Variants in TRAPPC9 observed in about 807,000 individuals in gnomAD.
TRAPPC9 encodes IKK2 binding protein.
A neutral mutation model predicts 124.0 loss-of-function variants in TRAPPC9; 83 were observed. The observed-to-expected ratio is 0.67, with a 90% confidence interval of 0.56 to 0.80. The LOEUF is 0.80. Ranked by LOEUF, TRAPPC9 falls within the 30% of genes least tolerant of loss-of-function variation. The pLI is 0.00. For synonymous variants in TRAPPC9, 638 were observed against 617.5 expected (o/e 1.03, Z -0.49); for missense variants, 1,302 against 1,508.3 (o/e 0.86, Z 2.27).
intron 21 of TRAPPC9, among the ~76,000 whole-genome samples, chr8:139,853,064 G>A (rs904338478): frequency 1.3e-4 from 20 of 152,178 alleles, no homozygotes; most frequent in Admixed American, 2.0e-4. Context: ...GAAGTGTTCC[G>A]TGGTGACGCC....
In TRAPPC9 at chr8:140,097,009, C is replaced by T. The variant is rs2130287936; in HGVS notation, c.2557-72930G>A. 6.6e-6 allele frequency: 1 copy of T among 152,494 alleles called. No homozygotes were observed. The highest frequency in any genetic ancestry group is 2.1e-4 in the South Asian group (1 of 4,826). 9.4% of individuals were successfully genotyped at this position (152,494 alleles called of 1,614,324 possible). A position where few individuals can be genotyped will look rare whatever the true frequency, so the allele number is the denominator to read the frequency against. On this transcript the variant is annotated intron_variant, in intron 17 of 22. Transcript: ENST00000438773. This position sits in a 1 kb window ranked among gnomAD's most constrained non-coding sequence, Gnocchi z 4.2. ...CAGCATAGAGATGTGAAAACCTGTC[C>T]AGGTCGCTGGTGTATAGCCAGAACA...
intron 7 of TRAPPC9, among the ~76,000 whole-genome samples, chr8:140,372,542 G>A (rs959818091): frequency 2.7e-4 from 41 of 152,208 alleles, no homozygotes; most frequent in African/African-American, 7.7e-4. Flanking sequence ...CCCATCACCC[G>A]AGCCACGGTT....
At chr8:140,069,408 A>G (rs1334381944) in intron 17 of TRAPPC9, among the ~76,000 whole-genome samples, 1 of 152,144 alleles carries the variant, frequency 6.6e-6, no homozygotes, top group East Asian at 1.9e-4. Flanking sequence ...TTTGGTGGGC[A>G]TGGGTAAGGC....
At chr8:139,745,546 CG>C (rs1322346509) in intron 21 of TRAPPC9, among the ~76,000 whole-genome samples, 3 of 152,324 alleles carry the variant, frequency 2.0e-5, no homozygotes, top group African/African-American at 7.2e-5. Flanking sequence ...GCGGGTGAGT[CG>C]GGGTGGGCTG....
chr8:140,197,281 C>T (rs2062692477), intron 17 of TRAPPC9, among the ~76,000 whole-genome samples: 1 of 152,170 alleles, frequency 6.6e-6, no homozygotes, highest in Non-Finnish European at 1.5e-5. Flanking sequence ...GAATTGAGAA[C>T]CCTAACACGA....
chr8:140,269,797 A>G (rs55977540), intron 15 of TRAPPC9, among the ~76,000 whole-genome samples: 37,509 of 151,974 alleles, frequency 0.25, 5,056 homozygotes, highest in African/African-American at 0.35. Context: ...GAAGTCAGAG[A>G]CATAAGGAAC....
At chr8:140,310,610 A>G (rs2066270820) in intron 10 of TRAPPC9, among the ~76,000 whole-genome samples, 1 of 152,162 alleles carries the variant, frequency 6.6e-6, no homozygotes, top group Non-Finnish European at 1.5e-5. Context: ...CACTCTTAGG[A>G]GTGACAGTCA....
At chr8:139,806,593 C>T (rs1824077933) in intron 21 of TRAPPC9, among the ~76,000 whole-genome samples, 1 of 152,234 alleles carries the variant, frequency 6.6e-6, no homozygotes, top group South Asian at 2.1e-4. Context: ...GGTGTGACCT[C>T]AGCTGGGTCC....
Position 140,078,463 on chromosome 8 carries a change from G to A in TRAPPC9, c.2557-54384C>T, listed in dbSNP as rs371252795. Among the ~76,000 whole-genome samples, 3 of 152,172 alleles carry A rather than the reference G, an allele frequency of 2.0e-5. No individual in the cohort carries two copies. In the East Asian group the frequency reaches 5.8e-4, roughly 29 times the overall value. On this transcript the variant is annotated intron_variant, in intron 17 of 22. Coordinates refer to ENST00000438773, the MANE Select transcript of TRAPPC9 (RefSeq NM_001160372.4). Reference sequence around the variant, plus strand: ...TGGATGGAGGCTTAGTGAGGTACATGGCTGAACACGGGGGAGGGCTTCCAG... The same window carrying A: ...TGGATGGAGGCTTAGTGAGGTACATAGCTGAACACGGGGGAGGGCTTCCAG...
In TRAPPC9 at chr8:140,182,190, G is replaced by A. The variant is rs2062220449; in HGVS notation, c.2556+39269C>T. 6.6e-6 allele frequency among the ~76,000 whole-genome samples: 1 copy of A among 152,096 alleles called. No homozygotes were observed. The highest frequency in any genetic ancestry group is 2.4e-5 in the African/African-American group (1 of 41,410). On this transcript the variant is annotated intron_variant, in intron 17 of 22. Coordinates refer to ENST00000438773, the MANE Select transcript of TRAPPC9 (RefSeq NM_001160372.4). This position sits in a 1 kb window ranked among gnomAD's most constrained non-coding sequence, Gnocchi z 4.0. ...ATTTCCTCTTTGCTTCAGGTACCCG[G>A]AAATCTTGCTTTCCAGTGCATACAT...
chr8:140,183,884 AAGAAGAGGAGAGGAGAGGAGAGGAGAGG>A (rs1298442522), intron 17 of TRAPPC9, among the ~76,000 whole-genome samples: 409 of 28,046 alleles, frequency 0.015, 3 homozygotes, highest in Non-Finnish European at 0.022. Flanking sequence ...GAAGAAGAAG[AAGAAGAGGAGAGGAGAGGAGAGGAGAGG>A]AGAGGAGAGG....
At chr8:140,211,931 T>C (rs1381925699) in intron 17 of TRAPPC9, among the ~76,000 whole-genome samples, 1 of 152,134 alleles carries the variant, frequency 6.6e-6, no homozygotes. Context: ...GGTGCTACCA[T>C]CCAGGTGGGA....
intron 9 of TRAPPC9, among the ~76,000 whole-genome samples, chr8:140,332,047 C>T (rs1381308570): frequency 6.6e-6 from 1 of 152,092 alleles, no homozygotes; most frequent in Non-Finnish European, 1.5e-5. Flanking sequence ...CACTAAGTCA[C>T]AGTAGCCAAG....
chr8:139,761,778 G>A (rs937159668), intron 21 of TRAPPC9, among the ~76,000 whole-genome samples: 2 of 151,554 alleles, frequency 1.3e-5, no homozygotes, highest in South Asian at 2.1e-4. Context: ...GTCCTGTCAC[G>A]GGGCAGGACC....
chr8:139,852,154 T>C (rs1827516046), intron 21 of TRAPPC9, among the ~76,000 whole-genome samples: 1 of 152,210 alleles, frequency 6.6e-6, no homozygotes, highest in Non-Finnish European at 1.5e-5. Flanking sequence ...GCCTGCTGCC[T>C]TCCACAGATG....
chr8:140,403,410 C>T (rs1172251627), intron 6 of TRAPPC9, among the ~76,000 whole-genome samples: 1 of 150,242 alleles, frequency 6.7e-6, no homozygotes, highest in Non-Finnish European at 1.5e-5. Flanking sequence ...GCCTGGGCAA[C>T]AGAGCGAGAC....
At chr8:140,406,933 G>T (rs1238458525) in intron 5 of TRAPPC9, among the ~76,000 whole-genome samples, 1 of 152,220 alleles carries the variant, frequency 6.6e-6, no homozygotes, top group Non-Finnish European at 1.5e-5. Context: ...GCACGACCCG[G>T]TGACATAAAC....
chr8:140,374,848 CCTAT>C (rs1194786860), intron 7 of TRAPPC9, among the ~76,000 whole-genome samples: 5 of 152,150 alleles, frequency 3.3e-5, no homozygotes, highest in Non-Finnish European at 7.3e-5. Flanking sequence ...TTTCATGGAA[CCTAT>C]CTAAGATGAA....
intron 17 of TRAPPC9, among the ~76,000 whole-genome samples, chr8:140,168,761 A>C (rs946129642): frequency 1.3e-5 from 2 of 152,210 alleles, no homozygotes; most frequent in South Asian, 4.1e-4. Flanking sequence ...CAGGCCATCC[A>C]GATGTGGGGT....
Sources: gnomAD v4.1 joint callset for allele counts (sites outside exome capture counted in the v4.1 genomes callset) on GRCh38, gnomAD v4.1.1 for gene constraint, Gnocchi (gnomAD v3.1) non-coding constraint, MANE v1.5 for transcripts, NCBI Gene and HGNC (gene_info 2026-07-23, HGNC 2026-07-21) for gene names.